Variants in HIVEP2 observed in about 807,000 individuals in gnomAD.
HIVEP2 encodes the protein HIVEP zinc finger 2.
Under a neutral mutation model 180.7 loss-of-function variants are expected in HIVEP2, and 14 were observed. The ratio of observed to expected loss-of-function variants is 0.08; its 90% CI spans 0.05 to 0.12. The LOEUF (loss-of-function observed/expected upper bound fraction) is 0.12. HIVEP2 is among the 10% of genes least tolerant of loss of function. The probability of loss-of-function intolerance (pLI) is 1.00; values close to 1 mark genes in which losing one functional copy is unlikely to be tolerated. For synonymous variants in HIVEP2, 1,184 were observed against 1,136.4 expected (o/e 1.04, Z -0.84); for missense variants, 2,579 against 3,008.5 (o/e 0.86, Z 3.34).
chr6:142,875,219 AG>A (rs1446314566), intron 1 of HIVEP2, among the ~76,000 whole-genome samples: 1 of 152,164 alleles, frequency 6.6e-6, no homozygotes, highest in Non-Finnish European at 1.5e-5. Context: ...GGGGATATGC[AG>A]GTAAAAAGCA....
intron 1 of HIVEP2, among the ~76,000 whole-genome samples, chr6:142,837,816 A>G (rs892142843): frequency 1.3e-5 from 2 of 152,092 alleles, no homozygotes; most frequent in South Asian, 4.1e-4. Flanking sequence ...TAGAGGGTTG[A>G]GCAGAAGAGT....
intron 1 of HIVEP2, among the ~76,000 whole-genome samples, chr6:142,916,230 C>A (rs765140855): frequency 6.6e-6 from 1 of 152,220 alleles, no homozygotes; most frequent in Non-Finnish European, 1.5e-5. Flanking sequence ...TCTTGCCACC[C>A]TCCAATTTGT....
chr6:142,846,635 G>A (rs907172812), intron 1 of HIVEP2, among the ~76,000 whole-genome samples: 3 of 152,230 alleles, frequency 2.0e-5, no homozygotes, highest in African/African-American at 7.2e-5. Flanking sequence ...GACTTAAGGT[G>A]AAGCATGAAC....
chr6:142,818,777 GAAAGAAAGAAAGAAAAAGA>G (rs1463885713), intron 2 of HIVEP2, among the ~76,000 whole-genome samples: 2 of 131,476 alleles, frequency 1.5e-5, no homozygotes, highest in East Asian at 2.2e-4. Flanking sequence ...AAGAAAGAAA[GAAAGAAAGAAAGAAAAAGA>G]AAAGAAAAAG....
chr6:142,938,712 A>G (rs1055332353), intron 1 of HIVEP2, among the ~76,000 whole-genome samples: 2 of 152,346 alleles, frequency 1.3e-5, no homozygotes, highest in East Asian at 3.9e-4. Flanking sequence ...CCCTAGTTTC[A>G]AAAGTCCCAC....
chr6:142,818,772 A>G (rs1382655264), intron 2 of HIVEP2, among the ~76,000 whole-genome samples: 1 of 148,666 alleles, frequency 6.7e-6, no homozygotes, highest in Non-Finnish European at 1.5e-5. Flanking sequence ...AAAGAAAGAA[A>G]GAAAGAAAGA....
chr6:142,812,006 A>C (rs1776711470), intron 2 of HIVEP2, among the ~76,000 whole-genome samples: 1 of 152,146 alleles, frequency 6.6e-6, no homozygotes, highest in Admixed American at 6.6e-5. Flanking sequence ...AATGAGGTGA[A>C]CTCTACAATT....
intron 1 of HIVEP2, among the ~76,000 whole-genome samples, chr6:142,922,755 T>A (rs1029309292): frequency 6.6e-6 from 1 of 152,186 alleles, no homozygotes; most frequent in African/African-American, 2.4e-5. Flanking sequence ...TAAGTCTGAT[T>A]AAGCAACAGA....
At chr6:142,904,445 T>A (rs186501337) in intron 1 of HIVEP2, among the ~76,000 whole-genome samples, 83 of 152,304 alleles carry the variant, frequency 5.4e-4, no homozygotes, top group Middle Eastern at 6.8e-3. Flanking sequence ...CAACAGGACC[T>A]CAAACTTGAA....
chr6:142,771,497 A>G lies in HIVEP2; in HGVS notation c.3242T>C (p.Val1081Ala). The change falls in exon 5 of 10, where the codon GTG becomes GCG. Residue 1081 changes from valine to alanine, a missense_variant. Transcript: ENST00000367603. This position sits in a 1 kb window ranked among gnomAD's most constrained non-coding sequence, Gnocchi z 5.4. ...GGAGCCACTGAAGGAAGCTTGCCGC[A>G]CCAGAAAGCATTTCTTCCTCTCCCT... ...PSRERKKCFL[V>A]RQASFSGSPE... 6.2e-7 allele frequency: 1 copy of G among 1,613,594 alleles called. No individual in the cohort carries two copies. Among genetic ancestry groups the G allele is most frequent in the Non-Finnish European group, 8.5e-7 (1 of 1,180,004 alleles).
intron 2 of HIVEP2, among the ~76,000 whole-genome samples, chr6:142,794,285 C>A (rs1776230269): frequency 6.6e-6 from 1 of 152,154 alleles, no homozygotes; most frequent in African/African-American, 2.4e-5. Flanking sequence ...CAAACAAACA[C>A]ACAGATCTCA....
Position 142,760,416 on chromosome 6 carries a change from G to A in HIVEP2, c.5872C>T (p.Pro1958Ser). The change falls in exon 9 of 10, where the codon CCT becomes TCT. Residue 1958 changes from proline to serine, a missense_variant. Coordinates refer to ENST00000367603, the MANE Select transcript of HIVEP2 (RefSeq NM_006734.4). ...GAATGTCCCAGGGAACTATCTGAAGGAACCCCGTGGGGTACGGCGCCAACA... is the reference window on the plus strand; with the variant it reads ...GAATGTCCCAGGGAACTATCTGAAGAAACCCCGTGGGGTACGGCGCCAACA... ...VNVGAVPHGV[P>S]SDSSLGHSSL... The A allele has an allele frequency of 6.2e-7, 1 of 1,614,174 alleles. No homozygotes were observed. The highest frequency in any genetic ancestry group is 8.5e-7 in the Non-Finnish European group (1 of 1,180,018).
intron 1 of HIVEP2, among the ~76,000 whole-genome samples, chr6:142,927,198 C>G (rs999628949): frequency 6.6e-6 from 1 of 152,190 alleles, no homozygotes; most frequent in Non-Finnish European, 1.5e-5. Context: ...GCAGGCTGCC[C>G]TCCTCCACCG....
rs146195789 is a variant in HIVEP2 at position 142,830,014 on chromosome 6, A to G, written c.-528+6921T>C. Among the ~76,000 whole-genome samples, 358 of 152,310 alleles carry G rather than the reference A, an allele frequency of 2.4e-3. 1 individual carries two copies. The highest frequency in any genetic ancestry group is 8.1e-3 in the African/African-American group (337 of 41,548). ...AGTATCATTATATACTCTTAAACTG[A>G]TTTAATCAAGAGTATCTCTTCTGAA... is the stretch of plus-strand genomic sequence containing the variant. On this transcript the variant is annotated intron_variant, in intron 2 of 9. Coordinates refer to ENST00000367603, the MANE Select transcript of HIVEP2 (RefSeq NM_006734.4).
In HIVEP2 at chr6:142,871,854, A is replaced by C. The variant is rs140718503; in HGVS notation, c.-640-34807T>G. Among the ~76,000 whole-genome samples, 503 of 152,320 alleles carry C rather than the reference A, an allele frequency of 3.3e-3. 1 individual carries two copies. The highest frequency in any genetic ancestry group is 5.9e-3 in the Non-Finnish European group (402 of 68,014). ...AATTAGGTACTATAAAATAAATGGC[A>C]CACAGACAAGCCACCCTAAATTCAG... On this transcript the variant is annotated intron_variant, in intron 1 of 9. Transcript: ENST00000367603.
chr6:142,887,438 T>C (rs924979771), intron 1 of HIVEP2, among the ~76,000 whole-genome samples: 1 of 152,188 alleles, frequency 6.6e-6, no homozygotes. Flanking sequence ...GCTACATACA[T>C]TTGACAGCTT....
chr6:142,784,885 A>G (rs1239161873), intron 2 of HIVEP2, among the ~76,000 whole-genome samples: 2 of 152,050 alleles, frequency 1.3e-5, no homozygotes, highest in Non-Finnish European at 2.9e-5. Context: ...CTATATCTCT[A>G]TCTATCTATC....
Position 142,753,535 on chromosome 6 carries a change from A to G in HIVEP2, c.6913T>C (p.Leu2305=), listed in dbSNP as rs765638100. ...TCTTCCGAAGTGCTCTGTTTCATCA[A>G]CAGCCGAGGAGAGGAGGGAGTGCTA... The part of the protein sequence containing the change: ...PPSTPSSPRL[L]MKQSTSEDSL... Residue 2305 remains leucine (L), a synonymous_variant, in exon 10 of 10, where the codon TTG becomes CTG. Transcript: ENST00000367603. 6 of 1,614,054 alleles carry G rather than the reference A, an allele frequency of 3.7e-6. No homozygotes were observed. The highest frequency in any genetic ancestry group is 2.7e-5 in the African/African-American group (2 of 74,928).
chr6:142,909,601 C>T (rs891868916), intron 1 of HIVEP2, among the ~76,000 whole-genome samples: 2 of 152,090 alleles, frequency 1.3e-5, no homozygotes, highest in African/African-American at 4.8e-5. Context: ...AAACCAACTG[C>T]CTCTGTTTTT....
Sources: gnomAD v4.1 joint callset for allele counts (sites outside exome capture counted in the v4.1 genomes callset) on GRCh38, gnomAD v4.1.1 for gene constraint, Gnocchi (gnomAD v3.1) non-coding constraint, MANE v1.5 for transcripts, NCBI Gene and HGNC (gene_info 2026-07-23, HGNC 2026-07-21) for gene names.